Variants in HELZ observed in about 807,000 individuals in gnomAD.
HELZ encodes the protein ATP-dependent RNA helicase with zinc finger domain.
Under a neutral mutation model 218.2 loss-of-function variants are expected in HELZ, and 23 were observed. The observed-to-expected ratio is 0.11, with a 90% CI of 0.08 to 0.15. The LOEUF (loss-of-function observed/expected upper bound fraction) is 0.15. Ranked by LOEUF, HELZ falls within the 10% of genes least tolerant of loss-of-function variation. The pLI, the probability that HELZ is intolerant of heterozygous loss-of-function variation, is 1.00. For synonymous variants in HELZ, 814 were observed against 829.4 expected, an observed-to-expected ratio of 0.98 and a Z score of 0.32; for missense variants, 1,813 against 2,353.7, an observed-to-expected ratio of 0.77 and a Z score of 4.75.
At chr17:67,215,733 A>C in intron 5 of HELZ, 166 bp downstream of exon 5, 1 of 646,622 alleles carries the variant, frequency 1.5e-6, no homozygotes, top group East Asian at 2.8e-5. Flanking sequence ...CAATGTTCAC[A>C]GGTATGCCCA....
In HELZ at chr17:67,167,652, T is replaced by A. The variant is rs751230536; in HGVS notation, c.1575A>T (p.Arg525=). The change falls in exon 14 of 33, where the codon CGA becomes CGT. Residue 525 remains arginine (R), a synonymous_variant. Coordinates refer to ENST00000358691, the MANE Select transcript of HELZ (RefSeq NM_014877.4). ...CAGCATTGACTTTGGTCATCACCAGTCGTCCAGCCAAAGTATCTTCAGAAA... is the reference window on the plus strand; with the variant it reads ...CAGCATTGACTTTGGTCATCACCAGACGTCCAGCCAAAGTATCTTCAGAAA... ...ETLSEDTLAG[R]LVMTKVNAVY... 4.8e-5 allele frequency: 78 copies of A among 1,614,102 alleles called. No individual in the cohort carries two copies. Among genetic ancestry groups the A allele is most frequent in the Non-Finnish European group, 6.4e-5 (75 of 1,180,044 alleles).
In HELZ at chr17:67,206,762, G is replaced by A. The variant is rs2040309027; in HGVS notation, c.248-3319C>T. 2.0e-5 allele frequency among the ~76,000 whole-genome samples: 3 copies of A among 151,918 alleles called. No individual in the cohort carries two copies. In the South Asian group the frequency reaches 6.2e-4, roughly 32 times the overall value. ...TTACAGGCATGCGCCACCATACTCG[G>A]CTAATTTTGTATTTTTAGTAGAGAC... On this transcript the variant is annotated intron_variant, in intron 5 of 32. Coordinates refer to ENST00000358691, the MANE Select transcript of HELZ (RefSeq NM_014877.4).
intron 2 of HELZ, among the ~76,000 whole-genome samples, chr17:67,243,353 T>C (rs1283152963): frequency 6.6e-6 from 1 of 152,232 alleles, no homozygotes; most frequent in African/African-American, 2.4e-5. Context: ...GGAAAGGGTA[T>C]ACTTTACGAG....
intron 26 of HELZ, among the ~76,000 whole-genome samples, chr17:67,122,371 C>A (rs1369209839): frequency 6.6e-6 from 1 of 152,152 alleles, no homozygotes; most frequent in Non-Finnish European, 1.5e-5. Flanking sequence ...TGGTGAAACC[C>A]CGCGTCTACT....
In HELZ at chr17:67,206,787, C is replaced by T. The variant is rs529090585; in HGVS notation, c.248-3344G>A. Among the ~76,000 whole-genome samples, 11 of 151,492 alleles carry T rather than the reference C, an allele frequency of 7.3e-5. No individual in the cohort carries two copies. In the South Asian group the frequency reaches 1.5e-3, roughly 20 times the overall value. On this transcript the variant is annotated intron_variant, in intron 5 of 32. Transcript: ENST00000358691. ...GCTAATTTTGTATTTTTAGTAGAGA[C>T]GGGCTTTCTCCATGTTGGTCAGGCT...
intron 5 of HELZ, among the ~76,000 whole-genome samples, chr17:67,211,362 T>A (rs1046255479): frequency 6.6e-6 from 1 of 152,216 alleles, no homozygotes; most frequent in African/African-American, 2.4e-5. Flanking sequence ...ATTGTGGTTA[T>A]GCAGTCTTGA....
intron 5 of HELZ, among the ~76,000 whole-genome samples, chr17:67,209,056 G>A (rs1162243624): frequency 2.1e-5 from 3 of 142,574 alleles, no homozygotes; most frequent in African/African-American, 8.2e-5. Context: ...AGGGAGGGAG[G>A]GAAGGAAGGA....
chr17:67,080,994 C>T (rs528790686), intron 32 of HELZ, among the ~76,000 whole-genome samples: 1 of 152,304 alleles, frequency 6.6e-6, no homozygotes, highest in Admixed American at 6.5e-5. Context: ...TCCCAGCTTC[C>T]CTTGTAGCTG....
At chr17:67,136,276 T>A (rs1261316225) in intron 22 of HELZ, 78 bp from the exon 23 acceptor site, 23 of 946,052 alleles carry the variant, frequency 2.4e-5, no homozygotes, top group African/African-American at 9.9e-5. Flanking sequence ...TTGCATTTTT[T>A]AAAATGTTAT....
chr17:67,237,943 G>A (rs1052932158), intron 3 of HELZ, among the ~76,000 whole-genome samples: 1 of 145,298 alleles, frequency 6.9e-6, no homozygotes, highest in South Asian at 2.2e-4. Flanking sequence ...AGCTGAGATC[G>A]CCCCATTGCA....
chr17:67,168,042 G>A (rs916323338), intron 13 of HELZ, among the ~76,000 whole-genome samples: 18 of 152,048 alleles, frequency 1.2e-4, no homozygotes, highest in Non-Finnish European at 2.2e-4. Flanking sequence ...GAGTACAGTG[G>A]CACGATCTTG....
intron 4 of HELZ, among the ~76,000 whole-genome samples, chr17:67,218,232 G>A (rs9914082): frequency 0.088 from 13,418 of 151,904 alleles, 1,572 homozygotes; most frequent in African/African-American, 0.26. Flanking sequence ...ACGCCCAGCC[G>A]GTGTTTATTT....
chr17:67,245,188 C>T lies in HELZ; in HGVS notation c.-172G>A, dbSNP rs918390865. ...ACGCCATCTTGGATCCACTTGTCAA[C>T]GTCCCCACAAAGCATTATGGGTAAG... is the stretch of plus-strand genomic sequence containing the variant. On this transcript the variant is annotated 5_prime_UTR_variant, in exon 1 of 33. Transcript: ENST00000358691. The T allele has an allele frequency of 3.0e-6, 3 of 985,294 alleles. No homozygotes were observed. Among genetic ancestry groups the T allele is most frequent in the Non-Finnish European group, 3.6e-6 (3 of 829,932 alleles). The allele number at this position is 985,294 out of a possible 1,614,324, so 61.0% of individuals were successfully genotyped here.
intron 3 of HELZ, among the ~76,000 whole-genome samples, chr17:67,226,195 G>T (rs534824429): frequency 3.5e-4 from 52 of 149,884 alleles, no homozygotes; most frequent in African/African-American, 1.1e-3. Context: ...GGAGGCGGAG[G>T]TTGCAGTGAG....
chr17:67,222,904 T>G (rs908147668), intron 3 of HELZ, among the ~76,000 whole-genome samples: 3 of 151,996 alleles, frequency 2.0e-5, no homozygotes, highest in Admixed American at 2.0e-4. Flanking sequence ...CTGTATCTAT[T>G]GTATGTGATC....
In HELZ at chr17:67,242,840, GA is replaced by G. The variant is rs1013945018; in HGVS notation, c.-76+943del. 6.5e-4 allele frequency among the ~76,000 whole-genome samples: 77 copies of G among 118,478 alleles called. 1 individual carries two copies. The highest frequency in any genetic ancestry group is 1.8e-3 in the Admixed American group (21 of 11,442). The allele number at this position is 118,478 out of a possible 152,430, so 77.7% of individuals were successfully genotyped here. On this transcript the variant is annotated intron_variant, in intron 2 of 32. Transcript: ENST00000358691. ...AATGTCAATTACATGCCTCAATCTA[GA>G]AAAAAAAAAAAGGATAGCTTATTCT...
intron 6 of HELZ, 27 bp downstream of exon 6, chr17:67,203,292 A>G (rs1481922014): frequency 1.9e-6 from 3 of 1,607,454 alleles, no homozygotes; most frequent in South Asian, 2.2e-5. Flanking sequence ...GTTTTCAGGC[A>G]TACAAAATTA....
At chr17:67,150,960 G>T in intron 18 of HELZ, 86 bp downstream of exon 18, 1 of 1,089,746 alleles carries the variant, frequency 9.2e-7, no homozygotes, top group Non-Finnish European at 1.4e-6. Context: ...AGCCAGATTT[G>T]GCCCACACAC....
chr17:67,223,737 G>A (rs1268957685), intron 3 of HELZ, among the ~76,000 whole-genome samples: 2 of 152,066 alleles, frequency 1.3e-5, no homozygotes, highest in South Asian at 2.1e-4. Context: ...GGGCGACAGA[G>A]CAAGACTCCC....
Sources: gnomAD v4.1 joint callset for allele counts (sites outside exome capture counted in the v4.1 genomes callset) on GRCh38, gnomAD v4.1.1 for gene constraint, MANE v1.5 for transcripts, NCBI Gene and HGNC (gene_info 2026-07-23, HGNC 2026-07-21) for gene names.